Variants in WHRN observed in about 807,000 individuals in gnomAD.
The protein encoded by WHRN is CASK-interacting protein CIP98.
WHRN carries 41 observed loss-of-function variants against 68.3 expected under a neutral mutation model. That is an observed-to-expected ratio of 0.60 (90% confidence interval 0.47 to 0.78). WHRN has a LOEUF of 0.78. Ranked by LOEUF, WHRN falls within the 30% of genes least tolerant of loss-of-function variation. The pLI is 0.00. For missense variants in WHRN, 1,243 were observed against 1,244.7 expected (o/e 1.00, Z 0.02); for synonymous variants, 560 against 561.3 (o/e 1.00, Z 0.03).
At chr9:114,474,929 G>T (rs1027442881) in intron 2 of WHRN, among the ~76,000 whole-genome samples, 1 of 152,100 alleles carries the variant, frequency 6.6e-6, no homozygotes, top group Non-Finnish European at 1.5e-5. Flanking sequence ...GGCCCAAAGT[G>T]AAGACAGATC....
chr9:114,502,379 G>C (rs1295038572), intron 1 of WHRN, among the ~76,000 whole-genome samples: 1 of 152,148 alleles, frequency 6.6e-6, no homozygotes, highest in African/African-American at 2.4e-5. Flanking sequence ...CAAAAACTAT[G>C]ACATGGAGAG....
At chr9:114,431,853 T>C (rs188675513) in intron 3 of WHRN, among the ~76,000 whole-genome samples, 3 of 152,236 alleles carry the variant, frequency 2.0e-5, no homozygotes, top group African/African-American at 7.2e-5. Flanking sequence ...GACAGGAACA[T>C]GTCTAGGGCC....
rs1445405309 is a variant in WHRN at position 114,470,370 on chromosome 9, G to A, written c.838-3978C>T. Among the ~76,000 whole-genome samples the A allele has an allele frequency of 3.3e-5, 5 of 152,254 alleles. No homozygotes were observed. In the East Asian group the frequency reaches 9.7e-4, roughly 29 times the overall value. ...ACACAGGACAGCGTGCAGCCCCGAAGAGTCACCACACGGGTCCTGTATGGC... is the reference window on the plus strand; with the variant it reads ...ACACAGGACAGCGTGCAGCCCCGAAAAGTCACCACACGGGTCCTGTATGGC... On this transcript the variant is annotated intron_variant, in intron 2 of 11. Transcript: ENST00000362057.
Position 114,420,416 on chromosome 9 carries a change from T to C in WHRN, c.1626+2898A>G, listed in dbSNP as rs577671199. Among the ~76,000 whole-genome samples, 13 of 152,312 alleles carry C rather than the reference T, an allele frequency of 8.5e-5. No homozygotes were observed. In the South Asian group the frequency reaches 2.7e-3, roughly 32 times the overall value. On this transcript the variant is annotated intron_variant, in intron 7 of 11. Transcript: ENST00000362057. Reference sequence around the variant, plus strand: ...TACTTTGGGGCGAGGCTGGGATCCGTATTCCCAGAGAGAGAAACAAGCTCA... The same window carrying C: ...TACTTTGGGGCGAGGCTGGGATCCGCATTCCCAGAGAGAGAAACAAGCTCA...
At chr9:114,410,524 G>C (rs1316349957) in intron 7 of WHRN, among the ~76,000 whole-genome samples, 1 of 152,154 alleles carries the variant, frequency 6.6e-6, no homozygotes, top group Admixed American at 6.5e-5. Flanking sequence ...GCAGCAGGTG[G>C]GGACAGAAGG....
At chr9:114,420,585 G>C (rs1456051420) in intron 7 of WHRN, among the ~76,000 whole-genome samples, 1 of 152,164 alleles carries the variant, frequency 6.6e-6, no homozygotes, top group East Asian at 1.9e-4. Context: ...CTGAATCTGT[G>C]GAAGGGAGCT....
chr9:114,490,203 A>G (rs1842869357), intron 1 of WHRN, among the ~76,000 whole-genome samples: 1 of 152,256 alleles, frequency 6.6e-6, no homozygotes, highest in Non-Finnish European at 1.5e-5. Context: ...AACTCATCCA[A>G]GACCCCATCC....
At chr9:114,483,491 A>G (rs1032193028) in intron 1 of WHRN, among the ~76,000 whole-genome samples, 1 of 152,122 alleles carries the variant, frequency 6.6e-6, no homozygotes, top group Non-Finnish European at 1.5e-5. Flanking sequence ...CCCTGTAGCC[A>G]CCCTGCCAGC....
chr9:114,446,779 T>C (rs1340690682), intron 3 of WHRN, among the ~76,000 whole-genome samples: 1 of 152,028 alleles, frequency 6.6e-6, no homozygotes, highest in Non-Finnish European at 1.5e-5. Flanking sequence ...AACTCATAGC[T>C]CCTTGACTTT....
intron 1 of WHRN, chr9:114,503,070 A>G: frequency 1.1e-6 from 1 of 948,260 alleles, no homozygotes; most frequent in Non-Finnish European, 1.3e-6. Context: ...GGAAGCCAAC[A>G]TCAGGTGCAC....
Position 114,504,757 on chromosome 9 carries a change from G to A in WHRN, c.45C>T (p.Thr15=), listed in dbSNP as rs1486172225. ...LDGLSVSSSS[T]GSLGSAAGAG... ...CCCCGGCCGCCGAGCCCAGCGAGCC[G>A]GTGGAGGACGAGCTCACCGACAGGC... The change falls in exon 1 of 12, where the codon ACC becomes ACT. Residue 15 remains threonine (T), a synonymous_variant. Coordinates refer to ENST00000362057, the MANE Select transcript of WHRN (RefSeq NM_015404.4). 4 of 1,505,802 alleles carry A rather than the reference G, an allele frequency of 2.7e-6. No individual in the cohort carries two copies. Among genetic ancestry groups the A allele is most frequent in the East Asian group, 5.2e-5 (2 of 38,352 alleles). The allele number at this position is 1,505,802 out of a possible 1,614,324, so 93.3% of individuals were successfully genotyped here.
chr9:114,478,179 T>G (rs1302042639), intron 2 of WHRN: 5 of 610,428 alleles, frequency 8.2e-6, no homozygotes, highest in Non-Finnish European at 1.5e-5. Flanking sequence ...TCCCAGCTAC[T>G]CAGGAGGCTG....
chr9:114,430,074 C>G (rs1239229926), intron 3 of WHRN, among the ~76,000 whole-genome samples: 2 of 152,332 alleles, frequency 1.3e-5, no homozygotes, highest in Non-Finnish European at 2.9e-5. Context: ...TTTTAATCTT[C>G]CCTTTAACAC....
Position 114,441,464 on chromosome 9 carries a change from C to T in WHRN, c.964-15051G>A, listed in dbSNP as rs541580165. Among the ~76,000 whole-genome samples the T allele has an allele frequency of 2.6e-5, 4 of 152,284 alleles. No individual in the cohort carries two copies. The South Asian group carries it at 8.3e-4, about 32-fold the overall frequency. On this transcript the variant is annotated intron_variant, in intron 3 of 11. Coordinates refer to ENST00000362057, the MANE Select transcript of WHRN (RefSeq NM_015404.4). ...GCCCCCAGATCTTGATATCTAAATG[C>T]CATTCCCCATTGAGAAATATCATGG...
In WHRN at chr9:114,402,693, C is replaced by T. The variant is rs141791205; in HGVS notation, c.*61G>A. The T allele has an allele frequency of 3.1e-5, 50 of 1,604,294 alleles. No homozygotes were observed. The highest frequency in any genetic ancestry group is 2.7e-4 in the African/African-American group (20 of 74,902). ...CCCGCAAGGAGCTTGATGAAGCCAA[C>T]GGTGGAAAGGGACTGGGACCAGGGG... On this transcript the variant is annotated 3_prime_UTR_variant, in exon 12 of 12. Transcript: ENST00000362057.
intron 3 of WHRN, among the ~76,000 whole-genome samples, chr9:114,436,905 TA>T (rs957331957): frequency 1.3e-5 from 2 of 151,758 alleles, no homozygotes; most frequent in Non-Finnish European, 2.9e-5. Flanking sequence ...TAATGAAAAA[TA>T]AAAAACTTTT....
chr9:114,485,955 G>A (rs1031478185), intron 1 of WHRN, among the ~76,000 whole-genome samples: 1 of 152,024 alleles, frequency 6.6e-6, no homozygotes, highest in Admixed American at 6.5e-5. Context: ...TCGAGACTAC[G>A]GTGAGCTATG....
At chr9:114,470,143 T>C (rs9657666) in intron 2 of WHRN, among the ~76,000 whole-genome samples, 54,091 of 152,036 alleles carry the variant, frequency 0.36, 10,958 homozygotes, top group African/African-American at 0.55. Context: ...AGGAGGTGGA[T>C]ACCTTCAGAC....
chr9:114,499,587 G>A (rs12555884), intron 1 of WHRN, among the ~76,000 whole-genome samples: 12,048 of 152,272 alleles, frequency 0.079, 633 homozygotes, highest in Non-Finnish European at 0.11. Flanking sequence ...ATGGACGCCT[G>A]CTTCGGTGCA....
Sources: gnomAD v4.1 joint callset for allele counts (sites outside exome capture counted in the v4.1 genomes callset) on GRCh38, gnomAD v4.1.1 for gene constraint, MANE v1.5 for transcripts, NCBI Gene and HGNC (gene_info 2026-07-23, HGNC 2026-07-21) for gene names.